The following ZNF600 variants were observed in gnomAD, a reference collection of about 807,000 sequenced individuals.
ZNF600 encodes the protein zinc finger protein 600.
Under a neutral mutation model 7.3 loss-of-function variants are expected in ZNF600, and 4 were observed. The ratio of observed to expected loss-of-function variants is 0.55; its 90% CI spans 0.27 to 1.25. The LOEUF (loss-of-function observed/expected upper bound fraction) is 1.25. ZNF600 is among the 50% of genes most tolerant of loss of function. The probability of loss-of-function intolerance (pLI) is 0.12; values close to 1 mark genes in which losing one functional copy is unlikely to be tolerated. For synonymous variants in ZNF600, 290 were observed against 308.9 expected, an observed-to-expected ratio of 0.94 and a Z score of 0.64; for missense variants, 911 against 922.1, an observed-to-expected ratio of 0.99 and a Z score of 0.16.
the ZNF600 span, chr19:52,809,826 G>A: frequency 1.8e-3 from 558 of 318,784 alleles, 5 homozygotes; most frequent in Middle Eastern, 4.3e-3. Context: ...CGGCGAAGGC[G>A]GCGGCGGCGG....
the ZNF600 span, among the ~76,000 whole-genome samples, chr19:52,809,142 C>T: frequency 0.02 from 3,075 of 152,176 alleles, 106 homozygotes; most frequent in African/African-American, 0.067. Flanking sequence ...TGGGCAGTTG[C>T]GGGCAGGGGG....
At chr19:52,799,282 C>T in the ZNF600 span, 2 of 423,532 alleles carry the variant, frequency 4.7e-6, no homozygotes, top group Non-Finnish European at 4.5e-6. Flanking sequence ...GGTTTCTCTC[C>T]AGTTTGAATT....
At chr19:52,801,484 C>T in the ZNF600 span, 1 of 1,614,124 alleles carries the variant, frequency 6.2e-7, no homozygotes, top group Non-Finnish European at 8.5e-7. Context: ...CCTGTACTAC[C>T]AGTCAACTCT....
At chr19:52,828,665 A>G in the ZNF600 span, among the ~76,000 whole-genome samples, 1 of 152,186 alleles carries the variant, frequency 6.6e-6, no homozygotes, top group Non-Finnish European at 1.5e-5. Flanking sequence ...AAAACATTGT[A>G]TAAAACAAAT....
chr19:52,787,139 A>G (rs563441172), upstream of ZNF600, among the ~76,000 whole-genome samples: 3 of 152,282 alleles, frequency 2.0e-5, no homozygotes, highest in Non-Finnish European at 2.9e-5. Context: ...GGGAGGGTCC[A>G]CCCCGTGCTC....
the ZNF600 span, among the ~76,000 whole-genome samples, chr19:52,808,974 C>G: frequency 6.6e-6 from 1 of 152,090 alleles, no homozygotes; most frequent in East Asian, 1.9e-4. Flanking sequence ...AAAAGATTTT[C>G]AAAATATATA....
At chr19:52,818,795 A>C in the ZNF600 span, among the ~76,000 whole-genome samples, 1 of 148,950 alleles carries the variant, frequency 6.7e-6, no homozygotes, top group Middle Eastern at 3.4e-3. Flanking sequence ...AGGCACAAGA[A>C]TCACTTGAAC....
upstream of ZNF600, among the ~76,000 whole-genome samples, chr19:52,787,867 AAAAAG>A (rs1217008245): frequency 2.7e-4 from 28 of 102,926 alleles, no homozygotes; most frequent in Non-Finnish European, 3.8e-4. Flanking sequence ...CTCAAAAAAA[AAAAAG>A]AAAAAGAAAA....
chr19:52,831,084 A>T, the ZNF600 span, among the ~76,000 whole-genome samples: 2 of 152,124 alleles, frequency 1.3e-5, no homozygotes, highest in Non-Finnish European at 2.9e-5. Flanking sequence ...GGCCTCTGAT[A>T]CCTAGTTTCA....
chr19:52,803,099 A>C, the ZNF600 span, among the ~76,000 whole-genome samples: 1 of 149,600 alleles, frequency 6.7e-6, no homozygotes, highest in African/African-American at 2.5e-5. Flanking sequence ...TATTTTTTTG[A>C]GATACAGTGT....
chr19:52,802,689 A>G, the ZNF600 span, among the ~76,000 whole-genome samples: 2 of 152,002 alleles, frequency 1.3e-5, no homozygotes, highest in South Asian at 4.1e-4. Flanking sequence ...AAAAAGGAAA[A>G]TGTTAATACC....
At chr19:52,800,768 T>C in the ZNF600 span, 4 of 1,613,972 alleles carry the variant, frequency 2.5e-6, no homozygotes, top group East Asian at 6.7e-5. Flanking sequence ...CCTTGCCACA[T>C]TCATTACACT....
chr19:52,818,440 C>T, the ZNF600 span, among the ~76,000 whole-genome samples: 1 of 152,004 alleles, frequency 6.6e-6, no homozygotes, highest in East Asian at 1.9e-4. Flanking sequence ...GGGCTGGGCT[C>T]AGTGGCTCAT....
the ZNF600 span, among the ~76,000 whole-genome samples, chr19:52,810,882 TCCC>T: frequency 5.9e-4 from 3 of 5,072 alleles, no homozygotes; most frequent in African/African-American, 2.0e-3. Flanking sequence ...CCCCTCCCCC[TCCC>T]CCTCCCCCTC....
At chr19:52,777,894 C>T (rs13344816) in intron 2 of ZNF600, among the ~76,000 whole-genome samples, 24,043 of 152,080 alleles carry the variant, frequency 0.16, 2,601 homozygotes, top group African/African-American at 0.3. Flanking sequence ...ATGCCTATCA[C>T]TCAGGCTCTT....
chr19:52,804,253 G>C, the ZNF600 span, among the ~76,000 whole-genome samples: 2 of 152,172 alleles, frequency 1.3e-5, no homozygotes, highest in African/African-American at 4.8e-5. Flanking sequence ...AAATTCATGA[G>C]AAATCAATGT....
upstream of ZNF600, among the ~76,000 whole-genome samples, chr19:52,789,971 G>T (rs547250168): frequency 9.9e-5 from 15 of 152,192 alleles, no homozygotes; most frequent in South Asian, 3.1e-3. Context: ...GTAGGAGTGG[G>T]GGTCACAAGG....
intron 1 of ZNF600, 131 bp from the exon 4 acceptor site, chr19:52,779,038 G>T: frequency 1.3e-6 from 1 of 777,932 alleles, no homozygotes; most frequent in Non-Finnish European, 1.9e-6. Flanking sequence ...CAGAGATCAT[G>T]CAGAGATAAG....
chr19:52,806,193 AT>A, the ZNF600 span, among the ~76,000 whole-genome samples: 118,452 of 151,390 alleles, frequency 0.78, 47,228 homozygotes, highest in Non-Finnish European at 0.87. Context: ...AGGTTACAGA[AT>A]TTTTTTTTTC....
Sources: gnomAD v4.1 joint callset for allele counts (sites outside exome capture counted in the v4.1 genomes callset) on GRCh38, gnomAD v4.1.1 for gene constraint, MANE v1.5 for transcripts, NCBI Gene and HGNC (gene_info 2026-07-23, HGNC 2026-07-21) for gene names.